The following STK32C variants were observed in gnomAD, a reference collection of about 807,000 sequenced individuals.
STK32C encodes the protein serine/threonine-protein kinase 32C.
Under a neutral mutation model 56.5 loss-of-function variants are expected in STK32C, and 31 were observed. The observed-to-expected ratio is 0.55, with a 90% confidence interval of 0.41 to 0.74. The LOEUF is 0.74. Ranked by LOEUF, STK32C falls within the 30% of genes least tolerant of loss-of-function variation. The pLI, the probability that STK32C is intolerant of heterozygous loss-of-function variation, is 0.00. For synonymous variants in STK32C, 309 were observed against 289.4 expected, an observed-to-expected ratio of 1.07 and a Z score of -0.69; for missense variants, 544 against 676.9, an observed-to-expected ratio of 0.80 and a Z score of 2.18.
chr10:132,273,573 G>T (rs556575584), intron 1 of STK32C, among the ~76,000 whole-genome samples: 6 of 145,902 alleles, frequency 4.1e-5, no homozygotes, highest in Non-Finnish European at 9.1e-5. Context: ...AACACATGGT[G>T]AGTGAATGAA....
At position 132,237,864 on chromosome 10, in the gene STK32C, T is replaced by TAC. The variant is rs541821672; in HGVS notation, c.318+8034_318+8035dup. 7.4e-3 allele frequency among the ~76,000 whole-genome samples: 1,122 copies of TAC among 152,326 alleles called. 21 individuals carry two copies. The South Asian group carries it at 0.084, about 11-fold the overall frequency. On this transcript the variant is annotated intron_variant, in intron 2 of 11. Transcript: ENST00000298630. ...CATTTAGGAACCTCCAGCTGCCTTG[T>TAC]ACACAGGGCTCCTCCGGGTTCTCTA...
chr10:132,214,632 T>C (rs574383539), intron 10 of STK32C, among the ~76,000 whole-genome samples: 3 of 152,352 alleles, frequency 2.0e-5, no homozygotes, highest in African/African-American at 7.2e-5. Flanking sequence ...TTTTCTTAAT[T>C]GATCCAAAAG....
intron 2 of STK32C, among the ~76,000 whole-genome samples, chr10:132,234,027 A>G (rs1455716869): frequency 6.6e-6 from 1 of 152,170 alleles, no homozygotes; most frequent in Non-Finnish European, 1.5e-5. Flanking sequence ...GATCGTTCCG[A>G]TGAGGTCTGG....
chr10:132,325,824 C>T (rs1306992970), intron 1 of STK32C, among the ~76,000 whole-genome samples: 1 of 151,382 alleles, frequency 6.6e-6, no homozygotes, highest in East Asian at 2.0e-4. Context: ...CGGGTTCATG[C>T]CATTCTCCTG....
At chr10:132,256,630 G>A (rs1051136749) in intron 1 of STK32C, among the ~76,000 whole-genome samples, 14 of 152,244 alleles carry the variant, frequency 9.2e-5, no homozygotes, top group African/African-American at 3.1e-4. Context: ...CTGGAGAGGT[G>A]GGCAGCAGCA....
intron 1 of STK32C, among the ~76,000 whole-genome samples, chr10:132,324,682 ATACT>A (rs2066464184): frequency 6.6e-6 from 1 of 152,248 alleles, no homozygotes; most frequent in African/African-American, 2.4e-5. Context: ...GCTCTGTCAA[ATACT>A]TAAAGAGGTT....
intron 10 of STK32C, among the ~76,000 whole-genome samples, chr10:132,217,928 A>T (rs1007918940): frequency 8.5e-5 from 13 of 152,144 alleles, no homozygotes; most frequent in Admixed American, 2.0e-4. Context: ...ACTAATACAG[A>T]TGGGTCTCAC....
At chr10:132,213,862 T>C (rs1329656660) in intron 10 of STK32C, among the ~76,000 whole-genome samples, 1 of 151,980 alleles carries the variant, frequency 6.6e-6, no homozygotes, top group Non-Finnish European at 1.5e-5. Context: ...GAAAACACTG[T>C]AACAGAAATG....
intron 1 of STK32C, among the ~76,000 whole-genome samples, chr10:132,318,224 C>T (rs1473521851): frequency 7.9e-5 from 12 of 151,494 alleles, no homozygotes; most frequent in African/African-American, 1.2e-4. Flanking sequence ...GCCAAGATCG[C>T]GCCACTGCAC....
rs900421822 is a variant in STK32C, at chr10:132,255,528, C to T, written c.263-9573G>A. ...GGGGGCTAGAGACAGGCATGAGAGC[C>T]GCTGGGCAGGGGTGAGGAGGCTCCC... On this transcript the variant is annotated intron_variant, in intron 1 of 11. Coordinates refer to ENST00000298630, the MANE Select transcript of STK32C (RefSeq NM_173575.4). The surrounding 1 kb of genome is among the most constrained non-coding windows in gnomAD (Gnocchi z 4.6). Among the ~76,000 whole-genome samples, 5 of 152,156 alleles carry T rather than the reference C, an allele frequency of 3.3e-5. No individual in the cohort carries two copies. Among genetic ancestry groups the T allele is most frequent in the South Asian group, 2.1e-4 (1 of 4,830 alleles).
chr10:132,273,337 C>A (rs1318932136), intron 1 of STK32C, among the ~76,000 whole-genome samples: 4 of 152,068 alleles, frequency 2.6e-5, no homozygotes, highest in Admixed American at 2.6e-4. Context: ...TAGGGTGGGG[C>A]AACTGCAGGT....
upstream of STK32C, among the ~76,000 whole-genome samples, chr10:132,308,215 C>G (rs1270492372): frequency 1.3e-5 from 2 of 152,050 alleles, no homozygotes; most frequent in Non-Finnish European, 2.9e-5. Flanking sequence ...CGCCGGGACA[C>G]GGGGACCACG....
chr10:132,281,690 C>T (rs909646794), intron 1 of STK32C, among the ~76,000 whole-genome samples: 1 of 152,226 alleles, frequency 6.6e-6, no homozygotes, highest in Non-Finnish European at 1.5e-5. Flanking sequence ...GGAGTATCCC[C>T]CTGGGCCGGT....
chr10:132,267,026 C>T (rs1259067654), intron 1 of STK32C, among the ~76,000 whole-genome samples: 4 of 152,160 alleles, frequency 2.6e-5, no homozygotes, highest in African/African-American at 9.7e-5. Flanking sequence ...GGGCAGCCCC[C>T]GCCCACCCCG....
intron 4 of STK32C, 140 bp from the exon 5 acceptor site, chr10:132,225,924 T>A: frequency 3.6e-6 from 4 of 1,111,652 alleles, no homozygotes; most frequent in Non-Finnish European, 5.3e-6. Flanking sequence ...ACTTGGTCCT[T>A]GGATGATGCT....
At position 132,208,125 on chromosome 10, in the gene STK32C, C is replaced by G. The variant is rs193167468; in HGVS notation, c.1346G>C (p.Arg449Thr). The change falls in exon 12 of 12, where the codon AGG (arginine) becomes ACG (threonine). Residue 449 changes from arginine (R) to threonine (T), a missense_variant. Physicochemically the swap from Arg to Thr is moderately conservative, Grantham distance 71. Around this residue, in one of 3 missense-constraint regions of STK32C, gnomAD observed 277 missense variants for 309.3 expected, o/e 0.90. Transcript: ENST00000298630. ...EKLKRSQDLPREPLPAPESRD... is the reference protein window; with the variant it reads ...EKLKRSQDLPTEPLPAPESRD... ...GGACTCAGGGGCGGGGAGAGGCTCC[C>G]TCGGGAGGTCCTGGCTCCTCTTCAG... is the stretch of plus-strand genomic sequence containing the variant. 7.6e-6 allele frequency: 10 copies of G among 1,310,804 alleles called. No individual in the cohort carries two copies. The highest frequency in any genetic ancestry group is 2.1e-4 in the Middle Eastern group (1 of 4,850). 81.2% of individuals were successfully genotyped at this position (1,310,804 alleles called of 1,614,324 possible).
At chr10:132,311,270 C>T (rs913921217), upstream of STK32C, among the ~76,000 whole-genome samples, 42 of 152,226 alleles carry the variant, frequency 2.8e-4, no homozygotes, top group Admixed American at 4.6e-4. The surrounding 1 kb of genome is among the most constrained non-coding windows in gnomAD (Gnocchi z 4.4). Context: ...TCACACGATT[C>T]GTGTGTGCTG....
At chr10:132,267,385 G>A (rs554624415) in intron 1 of STK32C, among the ~76,000 whole-genome samples, 85 of 152,396 alleles carry the variant, frequency 5.6e-4, no homozygotes, top group Admixed American at 1.3e-3. Context: ...GTGCATGTGT[G>A]TCTGTATGCA....
At chr10:132,298,455 G>T (rs76962512) in intron 1 of STK32C, among the ~76,000 whole-genome samples, 1 of 152,192 alleles carries the variant, frequency 6.6e-6, no homozygotes, top group Non-Finnish European at 1.5e-5. Flanking sequence ...CAGGTCCCAC[G>T]GCAGCCCCTT....
Sources: gnomAD v4.1 joint callset for allele counts (sites outside exome capture counted in the v4.1 genomes callset) on GRCh38, gnomAD v4.1.1 for gene constraint, gnomAD v4.1.1 regional missense constraint, Gnocchi (gnomAD v3.1) non-coding constraint, MANE v1.5 for transcripts, NCBI Gene and HGNC (gene_info 2026-07-23, HGNC 2026-07-21) for gene names.